Variants in NLRP5 observed in about 807,000 individuals in gnomAD.
The protein encoded by NLRP5 is NACHT, LRR and PYD domains-containing protein 5.
NLRP5 carries 93 observed loss-of-function variants against 113.1 expected under a neutral mutation model. That is an observed-to-expected ratio of 0.82 (90% CI 0.70 to 0.98). The LOEUF is 0.98. Among genes scored for constraint, NLRP5 ranks in the 50% least tolerant of loss-of-function variants. The pLI, the probability that NLRP5 is intolerant of heterozygous loss-of-function variation, is 0.00. For missense variants in NLRP5, 1,808 were observed against 1,514.3 expected (o/e 1.19, Z -3.22); for synonymous variants, 751 against 600.7 (o/e 1.25, Z -3.66).
intron 14 of NLRP5, among the ~76,000 whole-genome samples, chr19:56,059,765 A>G (rs1249069034): frequency 6.6e-6 from 1 of 151,926 alleles, no homozygotes; most frequent in Non-Finnish European, 1.5e-5. Context: ...ACCTCATATG[A>G]TCCACCAGCT....
chr19:56,003,009 G>A (rs1400250610), intron 1 of NLRP5, among the ~76,000 whole-genome samples: 2 of 150,282 alleles, frequency 1.3e-5, no homozygotes, highest in African/African-American at 4.9e-5. Context: ...CTGTTGGTGG[G>A]ACCGTAAACT....
chr19:56,035,656 T>C (rs1983283334), intron 9 of NLRP5, among the ~76,000 whole-genome samples: 1 of 152,194 alleles, frequency 6.6e-6, no homozygotes, highest in Non-Finnish European at 1.5e-5. Flanking sequence ...AACTAATGAA[T>C]TTACCTTCTC....
At chr19:55,994,177 A>C in the NLRP5 span, among the ~76,000 whole-genome samples, 1 of 152,194 alleles carries the variant, frequency 6.6e-6, no homozygotes, top group East Asian at 1.9e-4. Flanking sequence ...AGGGAAATGC[A>C]AATCAAAACC....
chr19:55,989,462 G>A, the NLRP5 span, among the ~76,000 whole-genome samples: 1 of 152,018 alleles, frequency 6.6e-6, no homozygotes. Flanking sequence ...CATGTTGGCC[G>A]GGCTGGTCTC....
intron 9 of NLRP5, among the ~76,000 whole-genome samples, chr19:56,034,758 G>C (rs187850538): frequency 0.01 from 1,589 of 152,212 alleles, 23 homozygotes; most frequent in African/African-American, 0.034. Flanking sequence ...CCTTTCTGTT[G>C]ATGATGGCCA....
At chr19:56,031,718 C>G (rs1022013881) in intron 7 of NLRP5, among the ~76,000 whole-genome samples, 4 of 152,110 alleles carry the variant, frequency 2.6e-5, no homozygotes, top group African/African-American at 7.2e-5. Flanking sequence ...ATAATATCCT[C>G]CAGGTTCATC....
At chr19:55,990,748 C>T in the NLRP5 span, among the ~76,000 whole-genome samples, 5 of 152,124 alleles carry the variant, frequency 3.3e-5, no homozygotes, top group African/African-American at 1.2e-4. Context: ...TGGCAGGAAC[C>T]CGGGAGGCGG....
At position 56,003,979 on chromosome 19, in the gene NLRP5, T is replaced by C; in HGVS notation, c.326T>C (p.Leu109Pro). The C allele has an allele frequency of 6.2e-7, 1 of 1,614,034 alleles. No individual in the cohort carries two copies. Among genetic ancestry groups the C allele is most frequent in the Non-Finnish European group, 8.5e-7 (1 of 1,179,882 alleles). Residue 109 changes from leucine to proline, a missense_variant, in exon 2 of 15, where the codon CTG (leucine) becomes CCG (proline). Physicochemically the swap from Leu to Pro is moderately conservative, Grantham distance 98 (BLOSUM62 -3). Coordinates refer to ENST00000390649, the MANE Select transcript of NLRP5 (RefSeq NM_153447.4). ...ATCGAGAATGCCAACGTGGAATGTC[T>C]GGCACTCCTCTTGCATGAGTATTAT...
chr19:56,060,760 A>T (rs764240694), intron 14 of NLRP5, among the ~76,000 whole-genome samples: 39 of 152,080 alleles, frequency 2.6e-4, no homozygotes, highest in African/African-American at 3.9e-4. Context: ...TATAGGGAAC[A>T]TGCTACTGTT....
chr19:56,001,511 A>G (rs1226702225), intron 1 of NLRP5, among the ~76,000 whole-genome samples: 1 of 152,106 alleles, frequency 6.6e-6, no homozygotes, highest in Non-Finnish European at 1.5e-5. Context: ...CAGCAAGCCC[A>G]TCTTAAAACT....
intron 6 of NLRP5, among the ~76,000 whole-genome samples, chr19:56,024,568 T>TAC (rs1159226626): frequency 1.5e-5 from 2 of 136,836 alleles, no homozygotes; most frequent in African/African-American, 5.3e-5. Flanking sequence ...TATGTATATA[T>TAC]ACACATATAT....
intron 11 of NLRP5, among the ~76,000 whole-genome samples, chr19:56,049,786 A>G (rs1471339216): frequency 6.6e-6 from 1 of 151,804 alleles, no homozygotes; most frequent in Non-Finnish European, 1.5e-5. Context: ...TGGGCTTCAC[A>G]TTTCTCTAAT....
intron 2 of NLRP5, among the ~76,000 whole-genome samples, chr19:56,004,887 G>C (rs1981794097): frequency 6.6e-6 from 1 of 151,826 alleles, no homozygotes; most frequent in Non-Finnish European, 1.5e-5. Flanking sequence ...GAGGTCAAGA[G>C]ATCGAGACCA....
chr19:56,038,261 C>A, intron 10 of NLRP5, 66 bp downstream of exon 10: 2 of 1,516,358 alleles, frequency 1.3e-6, no homozygotes, highest in Non-Finnish European at 9.1e-7. Context: ...AACTTCGATT[C>A]TCCAGGTCAT....
chr19:56,059,564 ACT>A (rs908153436), intron 14 of NLRP5, among the ~76,000 whole-genome samples: 15 of 152,032 alleles, frequency 9.9e-5, no homozygotes, highest in African/African-American at 3.6e-4. Flanking sequence ...ATGGAGTCTC[ACT>A]CTGTTGCCTC....
chr19:56,052,443 T>C (rs1983967549), intron 12 of NLRP5, among the ~76,000 whole-genome samples: 1 of 152,134 alleles, frequency 6.6e-6, no homozygotes, highest in South Asian at 2.1e-4. Context: ...TACTTTTTTG[T>C]ATTTTTAGTA....
intron 11 of NLRP5, among the ~76,000 whole-genome samples, chr19:56,045,451 A>G (rs529418346): frequency 3.9e-5 from 6 of 152,054 alleles, no homozygotes; most frequent in African/African-American, 1.2e-4. Flanking sequence ...TTTAGGGTAC[A>G]TGTGCACAAC....
At chr19:56,054,519 C>T (rs1233513414) in intron 13 of NLRP5, among the ~76,000 whole-genome samples, 3 of 150,576 alleles carry the variant, frequency 2.0e-5, no homozygotes, top group Non-Finnish European at 4.4e-5. Context: ...GACCACACCA[C>T]TGCACTCCAG....
At chr19:56,039,737 C>A (rs1307329610) in intron 10 of NLRP5, among the ~76,000 whole-genome samples, 1 of 152,072 alleles carries the variant, frequency 6.6e-6, no homozygotes, top group Non-Finnish European at 1.5e-5. Flanking sequence ...CGTGGTGAAA[C>A]CCCATCTCTA....
Sources: gnomAD v4.1 joint callset for allele counts (sites outside exome capture counted in the v4.1 genomes callset) on GRCh38, gnomAD v4.1.1 for gene constraint, MANE v1.5 for transcripts, NCBI Gene and HGNC (gene_info 2026-07-23, HGNC 2026-07-21) for gene names.